SMG7: variants seen among roughly 807,000 people sequenced by gnomAD.
The protein encoded by SMG7 is SMG7 nonsense mediated mRNA decay factor, also known as nonsense-mediated mRNA decay factor SMG7.
SMG7 carries 34 observed loss-of-function variants against 148.2 expected under a neutral mutation model. That is an observed-to-expected ratio of 0.23 (90% confidence interval 0.17 to 0.31). The LOEUF (loss-of-function observed/expected upper bound fraction) is 0.31, where lower values mean the gene tolerates loss of function less well. Ranked by LOEUF, SMG7 falls within the 10% of genes least tolerant of loss-of-function variation. The pLI, the probability that SMG7 is intolerant of heterozygous loss-of-function variation, is 1.00. For synonymous variants in SMG7, 492 were observed against 515.1 expected, an observed-to-expected ratio of 0.96 and a Z score of 0.61; for missense variants, 1,114 against 1,408.4, an observed-to-expected ratio of 0.79 and a Z score of 3.35.
In SMG7 at chr1:183,544,528, A is replaced by G. The variant is rs372635284; in HGVS notation, c.1987+31A>G. On this transcript the variant is annotated intron_variant, in intron 15 of 22. Coordinates refer to ENST00000688051, the MANE Select transcript of SMG7 (RefSeq NM_001375584.1). ...TATGTTTTGTAATTTCTTCTACTTA[A>G]TCTTTTCTGTGCAAGAATTTCTATT... The G allele has an allele frequency of 3.5e-5, 57 of 1,605,808 alleles. No individual in the cohort carries two copies. The African/African-American group carries it at 5.4e-4, about 15-fold the overall frequency.
At chr1:183,499,991 T>G (rs536049936) in intron 1 of SMG7, among the ~76,000 whole-genome samples, 2 of 152,302 alleles carry the variant, frequency 1.3e-5, no homozygotes, top group Non-Finnish European at 2.9e-5. Flanking sequence ...TTCAAGAAGG[T>G]ACAGGGGTTG....
At chr1:183,490,031 A>G (rs1030315338) in intron 1 of SMG7, among the ~76,000 whole-genome samples, 5 of 152,236 alleles carry the variant, frequency 3.3e-5, no homozygotes, top group Admixed American at 1.3e-4. Context: ...TGGCCCAGCA[A>G]TCTGGGTGAT....
In SMG7 at chr1:183,551,120, C is replaced by G. The variant is rs1389153416; in HGVS notation, c.3380C>G (p.Pro1127Arg). Reference protein sequence around the residue: ...SESSWHQASTPSGTWTGHGPS... With the variant: ...SESSWHQASTRSGTWTGHGPS... ...AGCAGTTGGCATCAGGCCAGCACTC[C>G]GAGTGGCACCTGGACAGGCCATGGC... Residue 1127 changes from proline to arginine, a missense_variant, in exon 22 of 23, where the codon CCG becomes CGG. Pro to Arg is a moderately radical substitution (Grantham distance 103). Around this residue, in one of 4 missense-constraint regions of SMG7, gnomAD observed 788 missense variants for 894.5 expected, o/e 0.88. Coordinates refer to ENST00000688051, the MANE Select transcript of SMG7 (RefSeq NM_001375584.1). 3.1e-6 allele frequency: 5 copies of G among 1,609,562 alleles called. No individual in the cohort carries two copies. Among genetic ancestry groups the G allele is most frequent in the Non-Finnish European group, 4.2e-6 (5 of 1,178,848 alleles).
At position 183,526,552 on chromosome 1, in the gene SMG7, A is replaced by G. The variant is rs747337296; in HGVS notation, c.313-44A>G. On this transcript the variant is annotated intron_variant, in intron 4 of 22. Coordinates refer to ENST00000688051, the MANE Select transcript of SMG7 (RefSeq NM_001375584.1). Reference sequence around the variant, plus strand: ...TACAGTTTATAAACTTTACTTTTAGAGCACTTGTGACTTACTACTAAATTT... The same window carrying G: ...TACAGTTTATAAACTTTACTTTTAGGGCACTTGTGACTTACTACTAAATTT... 5.5e-5 allele frequency: 74 copies of G among 1,334,026 alleles called. 1 individual carries two copies. The South Asian group carries it at 6.4e-4, about 12-fold the overall frequency. The allele number at this position is 1,334,026 out of a possible 1,614,324, so 82.6% of individuals were successfully genotyped here. A position where few individuals can be genotyped will look rare whatever the true frequency, so the allele number is the denominator to read the frequency against.
At chr1:183,481,844 A>G (rs1347796060) in intron 1 of SMG7, among the ~76,000 whole-genome samples, 6 of 150,892 alleles carry the variant, frequency 4.0e-5, no homozygotes, top group Non-Finnish European at 5.9e-5. Flanking sequence ...TATTTTTCTC[A>G]GAGACAGGAT....
At position 183,479,914 on chromosome 1, in the gene SMG7, T is replaced by C. The variant is rs367849194; in HGVS notation, c.29+7265T>C. 6.6e-5 allele frequency among the ~76,000 whole-genome samples: 10 copies of C among 152,276 alleles called. No individual in the cohort carries two copies. The East Asian group carries it at 7.7e-4, about 12-fold the overall frequency. On this transcript the variant is annotated intron_variant, in intron 1 of 22. Coordinates refer to ENST00000688051, the MANE Select transcript of SMG7 (RefSeq NM_001375584.1). ...TGCCATTTCAGGCGGGAAGAACAAC[T>C]CATGGCTCCTTTATTCCAAATAAGT...
intron 1 of SMG7, among the ~76,000 whole-genome samples, chr1:183,510,048 T>G (rs1661788543): frequency 6.6e-6 from 1 of 152,204 alleles, no homozygotes; most frequent in South Asian, 2.1e-4. Flanking sequence ...GAAATGTTAC[T>G]TGTTCATCTT....
rs2877978 is a variant in SMG7 at position 183,527,523 on chromosome 1, A to G, written c.485-433A>G. ...TTTGCACACACATATTTAATATTGC[A>G]ATAGGAATGAGACATTTTTCAAAAT... On this transcript the variant is annotated intron_variant, in intron 5 of 22. Transcript: ENST00000688051. The surrounding 1 kb of genome is among the most constrained non-coding windows in gnomAD (Gnocchi z 4.0). 121,906 of 434,328 alleles carry G rather than the reference A, an allele frequency of 0.28. 19,265 individuals carry two copies. Among genetic ancestry groups the G allele is most frequent in the Middle Eastern group, 0.34 (537 of 1,584 alleles). The allele number at this position is 434,328 out of a possible 1,614,324, so 26.9% of individuals were successfully genotyped here. A position where few individuals can be genotyped will look rare whatever the true frequency, so the allele number is the denominator to read the frequency against.
At chr1:183,549,078 T>C (rs1572110031) in intron 18 of SMG7, 130 bp from the exon 19 acceptor site, 1 of 666,386 alleles carries the variant, frequency 1.5e-6, no homozygotes, top group East Asian at 2.7e-5. Context: ...AATTCACATC[T>C]TCTGAGCCTC....
At chr1:183,550,729 C>T in intron 20 of SMG7, 22 bp from the exon 21 acceptor site, 1 of 1,610,782 alleles carries the variant, frequency 6.2e-7, no homozygotes, top group Non-Finnish European at 8.5e-7. Context: ...TTACTATATC[C>T]TGTGTTGCTA....
At chr1:183,526,944 A>C (rs948695537) in intron 5 of SMG7, among the ~76,000 whole-genome samples, 177 bp downstream of exon 5, 2 of 152,252 alleles carry the variant, frequency 1.3e-5, no homozygotes, top group African/African-American at 4.8e-5. Flanking sequence ...TGGGATTGGC[A>C]GAGCATCGTG....
intron 1 of SMG7, among the ~76,000 whole-genome samples, chr1:183,485,944 C>T (rs1571772354): frequency 1.3e-5 from 2 of 152,216 alleles, no homozygotes; most frequent in Admixed American, 1.3e-4. Flanking sequence ...GAAATTGAGA[C>T]AGCAAGACTG....
At chr1:183,537,979 T>A (rs746638821) in intron 11 of SMG7, among the ~76,000 whole-genome samples, 11 of 152,210 alleles carry the variant, frequency 7.2e-5, no homozygotes, top group Non-Finnish European at 1.5e-4. Context: ...AGTTTATGAT[T>A]CAGTAGGTTT....
intron 10 of SMG7, among the ~76,000 whole-genome samples, chr1:183,534,085 A>C (rs1048417357): frequency 6.6e-6 from 1 of 152,202 alleles, no homozygotes; most frequent in African/African-American, 2.4e-5. Flanking sequence ...GTCCTGGGGA[A>C]AAGGCATTTT....
At chr1:183,507,099 G>C (rs1232007551) in intron 1 of SMG7, among the ~76,000 whole-genome samples, 1 of 151,964 alleles carries the variant, frequency 6.6e-6, no homozygotes, top group Non-Finnish European at 1.5e-5. Flanking sequence ...GGCTGGTCTT[G>C]AACTCATGAC....
chr1:183,530,975 A>G (rs144556698), intron 8 of SMG7, among the ~76,000 whole-genome samples: 362 of 152,204 alleles, frequency 2.4e-3, no homozygotes, highest in African/African-American at 8.1e-3. Flanking sequence ...CTTCACATAT[A>G]TATTTCTGTA....
intron 1 of SMG7, among the ~76,000 whole-genome samples, chr1:183,505,606 T>A (rs1660725629): frequency 6.6e-6 from 1 of 152,250 alleles, no homozygotes; most frequent in Non-Finnish European, 1.5e-5. Flanking sequence ...GCTTGATACT[T>A]ATCTCTGAAT....
At chr1:183,504,466 G>A (rs1218071687) in intron 1 of SMG7, among the ~76,000 whole-genome samples, 5 of 151,728 alleles carry the variant, frequency 3.3e-5, no homozygotes, top group African/African-American at 1.2e-4. Flanking sequence ...TCAGCCTCCC[G>A]GGTAGCTGGG....
chr1:183,487,839 T>C (rs1332878783), intron 1 of SMG7, among the ~76,000 whole-genome samples: 2 of 152,230 alleles, frequency 1.3e-5, no homozygotes, highest in African/African-American at 4.8e-5. Flanking sequence ...TTCTGCTTTA[T>C]AAATTGTGGG....
Sources: allele counts gnomAD v4.1 joint callset (sites outside exome capture counted in the v4.1 genomes callset), GRCh38; gene constraint gnomAD v4.1.1; regional missense constraint gnomAD v4.1.1; non-coding constraint Gnocchi (gnomAD v3.1); transcripts MANE v1.5; gene names NCBI Gene and HGNC (gene_info 2026-07-23, HGNC 2026-07-21).